The following SEMA3A variants were observed in gnomAD, a reference collection of about 807,000 sequenced individuals.
The protein encoded by SEMA3A is semaphorin-3A.
In SEMA3A, 29 loss-of-function variants were observed where a neutral mutation model predicts 97.9. The ratio of observed to expected loss-of-function variants is 0.30; its 90% confidence interval spans 0.22 to 0.40. The LOEUF is 0.40. Ranked by LOEUF, SEMA3A falls within the 10% of genes least tolerant of loss-of-function variation. The pLI, the probability that SEMA3A is intolerant of heterozygous loss-of-function variation, is 1.00. For synonymous variants in SEMA3A, 321 were observed against 323.7 expected, an observed-to-expected ratio of 0.99 and a Z score of 0.09; for missense variants, 763 against 951.3, an observed-to-expected ratio of 0.80 and a Z score of 2.60.
At chr7:84,203,251 A>G (rs550460887) in intron 3 of SEMA3A, among the ~76,000 whole-genome samples, 13 of 151,932 alleles carry the variant, frequency 8.6e-5, no homozygotes, top group African/African-American at 3.1e-4. Flanking sequence ...TGTTGAGTGC[A>G]TTTATCTATT....
chr7:84,330,341 A>G (rs1801881803), intron 2 of SEMA3A, among the ~76,000 whole-genome samples: 1 of 152,082 alleles, frequency 6.6e-6, no homozygotes, highest in Admixed American at 6.6e-5. Context: ...GGGTGAGAAA[A>G]ATGACTTTTT....
intron 2 of SEMA3A, among the ~76,000 whole-genome samples, chr7:84,359,975 G>A (rs1226990178): frequency 1.3e-5 from 2 of 148,972 alleles, no homozygotes; most frequent in African/African-American, 5.0e-5. Flanking sequence ...CTGTGGGATC[G>A]GCGGTGATAT....
At chr7:84,291,111 T>A (rs2115784400) in intron 3 of SEMA3A, among the ~76,000 whole-genome samples, 1 of 152,204 alleles carries the variant, frequency 6.6e-6, no homozygotes, top group Admixed American at 6.6e-5. Context: ...ATAAACTCCT[T>A]TCTGTGTGTT....
At chr7:83,982,466 CAAAAT>C (rs1272238051) in intron 13 of SEMA3A, among the ~76,000 whole-genome samples, 2 of 152,090 alleles carry the variant, frequency 1.3e-5, no homozygotes, top group Non-Finnish European at 1.5e-5. Context: ...TATTTAAACA[CAAAAT>C]GAAATAAAAT....
At chr7:84,246,658 T>C (rs1799483708) in intron 3 of SEMA3A, among the ~76,000 whole-genome samples, 1 of 152,106 alleles carries the variant, frequency 6.6e-6, no homozygotes, top group South Asian at 2.1e-4. Flanking sequence ...AAACTCTCTT[T>C]TTTTTTCAGT....
intron 1 of SEMA3A, among the ~76,000 whole-genome samples, chr7:84,429,547 T>TAGAGAG (rs1804921533): frequency 8.6e-6 from 1 of 115,948 alleles, no homozygotes; most frequent in Non-Finnish European, 1.7e-5. Flanking sequence ...TATATATATA[T>TAGAGAG]AGCGAGAGAG....
At position 84,002,002 on chromosome 7, in the gene SEMA3A, A is replaced by C. The variant is rs1367356953; in HGVS notation, c.1405T>G (p.Trp469Gly). 1.2e-6 allele frequency: 2 copies of C among 1,612,770 alleles called. No individual in the cohort carries two copies. The highest frequency in any genetic ancestry group is 1.7e-6 in the Non-Finnish European group (2 of 1,179,272). The change falls in exon 12 of 17, where the codon TGG becomes GGG. Residue 469 changes from tryptophan to glycine, a missense_variant. Coordinates refer to ENST00000265362, the MANE Select transcript of SEMA3A (RefSeq NM_006080.3). The stretch of plus-strand genomic sequence containing the variant: ...AGCAGAACCTCTTCTAAATCATACC[A>C]AGTCTCCTTAGGAATTGAAACTACT... ...LKVVSIPKET[W>G]YDLEEVLLEE...
chr7:84,217,276 A>G (rs544649399), intron 3 of SEMA3A, among the ~76,000 whole-genome samples: 36 of 152,330 alleles, frequency 2.4e-4, no homozygotes, highest in African/African-American at 8.4e-4. Flanking sequence ...TCCTCTCTAA[A>G]AAAGTAAAAA....
chr7:84,402,399 A>G (rs1049510992), intron 1 of SEMA3A, among the ~76,000 whole-genome samples: 3 of 152,202 alleles, frequency 2.0e-5, no homozygotes, highest in African/African-American at 7.2e-5. Context: ...GTTGGTGAGA[A>G]TATAAATTAG....
chr7:84,319,323 C>A (rs1225970336), intron 2 of SEMA3A, among the ~76,000 whole-genome samples: 4 of 151,946 alleles, frequency 2.6e-5, no homozygotes, highest in Non-Finnish European at 5.9e-5. Context: ...CTCATTGGTG[C>A]TAGGCTCTAA....
intron 4 of SEMA3A, among the ~76,000 whole-genome samples, chr7:84,076,357 CAAGTA>C (rs1287768785): frequency 2.0e-5 from 3 of 151,982 alleles, no homozygotes; most frequent in African/African-American, 4.8e-5. Context: ...AGACAGAAAC[CAAGTA>C]AAGTAATGAT....
At chr7:84,477,547 T>C (rs1214563248) in intron 1 of SEMA3A, among the ~76,000 whole-genome samples, 1 of 152,160 alleles carries the variant, frequency 6.6e-6, no homozygotes, top group East Asian at 1.9e-4. Flanking sequence ...GAAGACATTC[T>C]GAAAAGATAG....
At chr7:84,100,023 T>C (rs1458386895) in intron 4 of SEMA3A, among the ~76,000 whole-genome samples, 1 of 152,178 alleles carries the variant, frequency 6.6e-6, no homozygotes, top group Non-Finnish European at 1.5e-5. Context: ...AGCAGTAAAC[T>C]CTATGCACAC....
intron 3 of SEMA3A, among the ~76,000 whole-genome samples, chr7:84,288,614 C>T (rs1415638915): frequency 6.6e-6 from 1 of 152,084 alleles, no homozygotes; most frequent in Admixed American, 6.6e-5. Flanking sequence ...AGGAGAACTG[C>T]TTGAACCCGG....
chr7:84,323,382 A>G (rs532069616), intron 2 of SEMA3A, among the ~76,000 whole-genome samples: 3 of 152,236 alleles, frequency 2.0e-5, no homozygotes, highest in Admixed American at 2.0e-4. Flanking sequence ...TTTTGTCACT[A>G]ATCACTACAT....
chr7:84,398,979 T>C (rs965391923), intron 1 of SEMA3A, among the ~76,000 whole-genome samples: 5 of 152,026 alleles, frequency 3.3e-5, no homozygotes, highest in Admixed American at 2.6e-4. Flanking sequence ...TAAAACATCA[T>C]TTGAGAGAAC....
At chr7:84,315,046 C>T (rs1035567057) in intron 2 of SEMA3A, among the ~76,000 whole-genome samples, 1 of 152,214 alleles carries the variant, frequency 6.6e-6, no homozygotes, top group African/African-American at 2.4e-5. Context: ...GAATAATTTT[C>T]TACTCACTGT....
chr7:84,392,830 T>C (rs183523847), intron 1 of SEMA3A, among the ~76,000 whole-genome samples: 69 of 152,266 alleles, frequency 4.5e-4, no homozygotes, highest in Non-Finnish European at 8.5e-4. Flanking sequence ...TGTTAGCCAT[T>C]TGCATGTCTT....
intron 1 of SEMA3A, among the ~76,000 whole-genome samples, chr7:84,451,089 T>A (rs1168687354): frequency 6.6e-6 from 1 of 152,208 alleles, no homozygotes; most frequent in East Asian, 1.9e-4. Context: ...CCCATACCCA[T>A]GTCATAAAAC....
Sources: allele counts gnomAD v4.1 joint callset (sites outside exome capture counted in the v4.1 genomes callset), GRCh38; gene constraint gnomAD v4.1.1; transcripts MANE v1.5; gene names NCBI Gene and HGNC (gene_info 2026-07-23, HGNC 2026-07-21).